The following DNER variants were observed in gnomAD, a reference collection of about 807,000 sequenced individuals.
DNER encodes the protein delta and Notch-like epidermal growth factor-related receptor.
Under a neutral mutation model 78.2 loss-of-function variants are expected in DNER, and 33 were observed. The ratio of observed to expected loss-of-function variants is 0.42; its 90% CI spans 0.32 to 0.56. The LOEUF (loss-of-function observed/expected upper bound fraction) is 0.56, where lower values mean the gene tolerates loss of function less well. Among genes scored for constraint, DNER ranks in the 20% least tolerant of loss-of-function variants. DNER has a pLI of 0.11. For synonymous variants in DNER, 417 were observed against 384.8 expected (o/e 1.08, Z -0.98); for missense variants, 918 against 975.3 (o/e 0.94, Z 0.78).
chr2:229,606,888 C>G (rs917086223), intron 1 of DNER, among the ~76,000 whole-genome samples: 10 of 152,074 alleles, frequency 6.6e-5, no homozygotes, highest in South Asian at 6.2e-4. Context: ...GAGCAAAACT[C>G]CATCTCAAAC....
At chr2:229,675,715 GTCTGCATCTAC>G (rs1464369766) in intron 1 of DNER, among the ~76,000 whole-genome samples, 15 of 152,176 alleles carry the variant, frequency 9.9e-5, no homozygotes, top group African/African-American at 3.6e-4. Context: ...CCAGTGCTCT[GTCTGCATCTAC>G]TCATTACTCT....
At chr2:229,546,895 G>A in intron 5 of DNER, 52 bp downstream of exon 5, 1 of 1,609,540 alleles carries the variant, frequency 6.2e-7, no homozygotes, top group Non-Finnish European at 8.5e-7. Flanking sequence ...ATTTATTCAG[G>A]TAAATATTCA....
At chr2:229,393,225 C>G (rs914300873) in intron 10 of DNER, among the ~76,000 whole-genome samples, 2 of 151,812 alleles carry the variant, frequency 1.3e-5, no homozygotes, top group Admixed American at 1.3e-4. Context: ...GTCAGGAGTT[C>G]GAGACTAGCC....
chr2:229,695,722 C>G (rs761760986), intron 1 of DNER, among the ~76,000 whole-genome samples: 1 of 152,194 alleles, frequency 6.6e-6, no homozygotes, highest in Non-Finnish European at 1.5e-5. Flanking sequence ...AACTCTACCT[C>G]TTTCCCAGTA....
chr2:229,602,251 A>G (rs1048644591), intron 1 of DNER, among the ~76,000 whole-genome samples: 1 of 152,224 alleles, frequency 6.6e-6, no homozygotes, highest in South Asian at 2.1e-4. Flanking sequence ...GATCATCTCA[A>G]CCAATGCAGA....
At chr2:229,519,251 C>T (rs1696044464) in intron 5 of DNER, among the ~76,000 whole-genome samples, 1 of 152,178 alleles carries the variant, frequency 6.6e-6, no homozygotes, top group African/African-American at 2.4e-5. Context: ...TGTCATTTTA[C>T]CTCTCTCAGT....
intron 1 of DNER, among the ~76,000 whole-genome samples, chr2:229,693,541 T>G (rs1699615664): frequency 6.6e-6 from 1 of 152,060 alleles, no homozygotes; most frequent in African/African-American, 2.4e-5. Flanking sequence ...GTTAAGTGGC[T>G]TTGACTAAAA....
At chr2:229,427,493 T>C (rs183307531) in intron 8 of DNER, among the ~76,000 whole-genome samples, 30 of 152,234 alleles carry the variant, frequency 2.0e-4, no homozygotes, top group African/African-American at 6.3e-4. Flanking sequence ...AAAACATCAA[T>C]CAATCATTCA....
chr2:229,384,241 T>C (rs1574817527), intron 11 of DNER, among the ~76,000 whole-genome samples: 2 of 152,310 alleles, frequency 1.3e-5, no homozygotes, highest in South Asian at 4.1e-4. Context: ...TACCAGAATC[T>C]CTGGGACACA....
At chr2:229,502,090 A>G (rs1426720598) in intron 6 of DNER, among the ~76,000 whole-genome samples, 1 of 152,156 alleles carries the variant, frequency 6.6e-6, no homozygotes. Context: ...TCACTGACTC[A>G]CTGGGCAGTG....
intron 7 of DNER, among the ~76,000 whole-genome samples, chr2:229,472,188 C>T (rs1177752296): frequency 3.3e-5 from 5 of 152,162 alleles, no homozygotes; most frequent in African/African-American, 4.8e-5. Context: ...TGAGAAAATA[C>T]CTTTAATGCT....
chr2:229,380,795 C>T (rs1692717716), intron 11 of DNER, among the ~76,000 whole-genome samples: 1 of 151,916 alleles, frequency 6.6e-6, no homozygotes, highest in Admixed American at 6.6e-5. Context: ...AGTGGTGCCA[C>T]ACACCTGTAA....
intron 1 of DNER, among the ~76,000 whole-genome samples, chr2:229,649,148 C>A (rs576627897): frequency 6.6e-5 from 10 of 152,282 alleles, no homozygotes; most frequent in African/African-American, 2.4e-4. Flanking sequence ...AAGGCCTTGG[C>A]GAGTACTCTC....
At position 229,591,535 on chromosome 2, in the gene DNER, T is replaced by G. The variant is rs757225888; in HGVS notation, c.585+45A>C. ...TAGAACCGCTGGAGTCACTTTAAGA[T>G]TTCTGGTTTCTAATGTAAAAATGCA... On this transcript the variant is annotated intron_variant, in intron 2 of 12. Coordinates refer to ENST00000341772, the MANE Select transcript of DNER (RefSeq NM_139072.4). This position sits in a 1 kb window ranked among gnomAD's most constrained non-coding sequence, Gnocchi z 4.6. The G allele has an allele frequency of 6.4e-6, 10 of 1,560,026 alleles. No homozygotes were observed. The Middle Eastern group carries it at 5.1e-4, about 80-fold the overall frequency.
intron 10 of DNER, among the ~76,000 whole-genome samples, chr2:229,394,362 C>T (rs1018861771): frequency 1.3e-5 from 2 of 152,198 alleles, no homozygotes; most frequent in African/African-American, 4.8e-5. Context: ...TTCCCCACTG[C>T]CCAAGACACA....
rs562819655 is a variant in DNER at position 229,449,754 on chromosome 2, C to A, written c.1262-2214G>T. On this transcript the variant is annotated intron_variant, in intron 7 of 12. Transcript: ENST00000341772. Reference sequence around the variant, plus strand: ...AATCAGAAAATCATAAATGTTAATGCTCAGAAATAGAAATCAATTTATTTT... The same window carrying A: ...AATCAGAAAATCATAAATGTTAATGATCAGAAATAGAAATCAATTTATTTT... Among the ~76,000 whole-genome samples, 3 of 152,216 alleles carry A rather than the reference C, an allele frequency of 2.0e-5. No individual in the cohort carries two copies. The East Asian group carries it at 5.8e-4, about 29-fold the overall frequency.
chr2:229,566,577 G>C (rs1697113381), intron 4 of DNER, among the ~76,000 whole-genome samples: 1 of 152,150 alleles, frequency 6.6e-6, no homozygotes, highest in South Asian at 2.1e-4. Context: ...CACGGGTGCT[G>C]TCATACCCTC....
chr2:229,706,404 A>G (rs576927334), intron 1 of DNER, among the ~76,000 whole-genome samples: 1 of 151,676 alleles, frequency 6.6e-6, no homozygotes, highest in Admixed American at 6.6e-5. Flanking sequence ...TACAAAAAAA[A>G]AAAAAAAAAT....
At chr2:229,410,304 C>G (rs1053663403) in intron 9 of DNER, among the ~76,000 whole-genome samples, 1 of 152,200 alleles carries the variant, frequency 6.6e-6, no homozygotes, top group Non-Finnish European at 1.5e-5. Flanking sequence ...GCTCTCCTGT[C>G]TGATTCTCCC....
Sources: allele counts gnomAD v4.1 joint callset (sites outside exome capture counted in the v4.1 genomes callset), GRCh38; gene constraint gnomAD v4.1.1; non-coding constraint Gnocchi (gnomAD v3.1); transcripts MANE v1.5; gene names NCBI Gene and HGNC (gene_info 2026-07-23, HGNC 2026-07-21).